The following SLC10A7 variants were observed in gnomAD, a reference collection of about 807,000 sequenced individuals.
SLC10A7 encodes solute carrier family 10 member 7, also known as sodium/bile acid cotransporter 7.
Under a neutral mutation model 43.2 loss-of-function variants are expected in SLC10A7, and 29 were observed. That is an observed-to-expected ratio of 0.67 (90% CI 0.50 to 0.92). SLC10A7 has a LOEUF of 0.92. SLC10A7 is among the 40% of genes least tolerant of loss of function. SLC10A7 has a pLI of 0.00. For missense variants in SLC10A7, 295 were observed against 403.2 expected (o/e 0.73, Z 2.30); for synonymous variants, 152 against 144.8 (o/e 1.05, Z -0.35).
chr4:146,346,106 C>T (rs1023278797), intron 5 of SLC10A7, among the ~76,000 whole-genome samples: 3 of 151,980 alleles, frequency 2.0e-5, no homozygotes, highest in Non-Finnish European at 4.4e-5. Context: ...ATTTATGGGC[C>T]CAATCTCCAT....
chr4:146,482,842 CAA>C lies in SLC10A7; in HGVS notation c.396+21005_396+21006del, dbSNP rs575262258. 6.7e-4 allele frequency among the ~76,000 whole-genome samples: 102 copies of C among 151,948 alleles called. 1 individual carries two copies. Among genetic ancestry groups the C allele is most frequent in the Non-Finnish European group, 1.3e-3 (88 of 67,958 alleles). ...GACAAACAGAAAACTTTAAAAGCAA[CAA>C]AAGAGTCAAGTCACACATAAAGGAG... On this transcript the variant is annotated intron_variant, in intron 4 of 11. Coordinates refer to ENST00000335472, the MANE Select transcript of SLC10A7 (RefSeq NM_001029998.6).
chr4:146,281,149 G>A (rs1729522948), intron 10 of SLC10A7, among the ~76,000 whole-genome samples: 1 of 152,060 alleles, frequency 6.6e-6, no homozygotes, highest in Admixed American at 6.6e-5. Context: ...AGCTTTTGGA[G>A]AGTACAAAGG....
intron 5 of SLC10A7, among the ~76,000 whole-genome samples, chr4:146,342,092 A>C (rs1273578029): frequency 6.6e-6 from 1 of 151,788 alleles, no homozygotes; most frequent in African/African-American, 2.4e-5. Flanking sequence ...TAACTTATTC[A>C]AATTTATACA....
chr4:146,314,643 C>T (rs1340122258), intron 6 of SLC10A7, among the ~76,000 whole-genome samples: 1 of 152,038 alleles, frequency 6.6e-6, no homozygotes, highest in Non-Finnish European at 1.5e-5. Flanking sequence ...GTGACCATCC[C>T]CATATATGAA....
At chr4:146,267,284 C>T (rs1340506541) in intron 10 of SLC10A7, among the ~76,000 whole-genome samples, 1 of 152,166 alleles carries the variant, frequency 6.6e-6, no homozygotes, top group Admixed American at 6.5e-5. Context: ...GGTGCTGCCC[C>T]TACACTAGCC....
intron 4 of SLC10A7, chr4:146,478,203 C>G (rs914995231): frequency 2.6e-5 from 4 of 152,198 alleles, no homozygotes; most frequent in African/African-American, 9.6e-5. Flanking sequence ...ATAGCCTGGC[C>G]TCTGGGACTC....
At chr4:146,309,777 C>T (rs1731834024) in intron 6 of SLC10A7, among the ~76,000 whole-genome samples, 1 of 152,118 alleles carries the variant, frequency 6.6e-6, no homozygotes, top group South Asian at 2.1e-4. Flanking sequence ...ATTTATCGTG[C>T]ACTTTCATGT....
At chr4:146,339,460 G>C (rs574321730) in intron 5 of SLC10A7, among the ~76,000 whole-genome samples, 18 of 152,016 alleles carry the variant, frequency 1.2e-4, no homozygotes, top group African/African-American at 4.3e-4. Flanking sequence ...CATTCCTGCA[G>C]CTTAGAAAAC....
chr4:146,412,216 C>A (rs1440290408), intron 5 of SLC10A7, among the ~76,000 whole-genome samples: 1 of 152,078 alleles, frequency 6.6e-6, no homozygotes, highest in Non-Finnish European at 1.5e-5. Context: ...GAGTAATTCA[C>A]ATGACTTTCT....
At chr4:146,515,433 A>G (rs1435865984) in intron 2 of SLC10A7, among the ~76,000 whole-genome samples, 1 of 152,200 alleles carries the variant, frequency 6.6e-6, no homozygotes, top group African/African-American at 2.4e-5. Flanking sequence ...AGCCTGTGTA[A>G]GTAGTAATTA....
chr4:146,263,875 C>G (rs1365526370), intron 10 of SLC10A7, among the ~76,000 whole-genome samples: 3 of 152,226 alleles, frequency 2.0e-5, no homozygotes, highest in Admixed American at 2.0e-4. Flanking sequence ...CCACCAAAAG[C>G]ATTTCCCCAT....
Position 146,412,653 on chromosome 4 carries a change from C to A in SLC10A7, c.435+30130G>T, listed in dbSNP as rs903878458. On this transcript the variant is annotated intron_variant, in intron 5 of 11. Coordinates refer to ENST00000335472, the MANE Select transcript of SLC10A7 (RefSeq NM_001029998.6). The stretch of plus-strand genomic sequence containing the variant: ...ATACATTTTTAAGGATTTATACATT[C>A]TTTATCTGTGTTACACAATTTTATA... Among the ~76,000 whole-genome samples the A allele has an allele frequency of 9.2e-5, 14 of 152,136 alleles. No homozygotes were observed. In the East Asian group the frequency reaches 2.5e-3, roughly 27 times the overall value.
intron 5 of SLC10A7, among the ~76,000 whole-genome samples, chr4:146,376,389 C>T (rs1289208845): frequency 1.3e-5 from 2 of 152,054 alleles, no homozygotes; most frequent in South Asian, 2.1e-4. Flanking sequence ...AGAATAGTTG[C>T]CCCTGTTGTC....
chr4:146,321,848 A>C (rs1010267119), intron 6 of SLC10A7, among the ~76,000 whole-genome samples: 1 of 152,152 alleles, frequency 6.6e-6, no homozygotes, highest in African/African-American at 2.4e-5. Context: ...TCGTAACCCA[A>C]ATGCTTAAGA....
At chr4:146,416,636 G>C (rs1050368990) in intron 5 of SLC10A7, among the ~76,000 whole-genome samples, 76 of 152,080 alleles carry the variant, frequency 5.0e-4, no homozygotes, top group African/African-American at 1.7e-3. Flanking sequence ...TACTTACCAG[G>C]AGAGTATTCA....
chr4:146,386,338 C>G (rs542123340), intron 5 of SLC10A7, among the ~76,000 whole-genome samples: 1 of 152,004 alleles, frequency 6.6e-6, no homozygotes, highest in Non-Finnish European at 1.5e-5. Flanking sequence ...ATTAGTGATG[C>G]CCTCAACTTA....
intron 7 of SLC10A7, among the ~76,000 whole-genome samples, chr4:146,297,006 G>A (rs1008777653): frequency 2.6e-5 from 4 of 151,860 alleles, no homozygotes; most frequent in Admixed American, 1.3e-4. Context: ...CACTTTGCTC[G>A]AGCTAGATCA....
At chr4:146,437,472 ATTTG>A (rs1178085152) in intron 5 of SLC10A7, among the ~76,000 whole-genome samples, 2 of 152,090 alleles carry the variant, frequency 1.3e-5, no homozygotes, top group Non-Finnish European at 2.9e-5. Flanking sequence ...ATATTAAGTC[ATTTG>A]TTTGTTCTGG....
Position 146,508,890 on chromosome 4 carries a change from C to A in SLC10A7, c.320+1023G>T, listed in dbSNP as rs369849728. Among the ~76,000 whole-genome samples the A allele has an allele frequency of 1.5e-4, 23 of 152,294 alleles. No individual in the cohort carries two copies. In the East Asian group the frequency reaches 2.3e-3, roughly 15 times the overall value. On this transcript the variant is annotated intron_variant, in intron 3 of 11. Coordinates refer to ENST00000335472, the MANE Select transcript of SLC10A7 (RefSeq NM_001029998.6). ...ATGCTGTACCACGGCCTATAAGGCTCTACATACCTCATTCCTGCCTACTTT... is the reference window on the plus strand; with the variant it reads ...ATGCTGTACCACGGCCTATAAGGCTATACATACCTCATTCCTGCCTACTTT...
Sources: allele counts gnomAD v4.1 joint callset (sites outside exome capture counted in the v4.1 genomes callset), GRCh38; gene constraint gnomAD v4.1.1; transcripts MANE v1.5; gene names NCBI Gene and HGNC (gene_info 2026-07-23, HGNC 2026-07-21).